TLN2: variants seen among roughly 807,000 people sequenced by gnomAD.
The protein encoded by TLN2 is talin 2, also known as talin-2.
In TLN2, 118 loss-of-function variants were observed where a neutral mutation model predicts 294.7. The ratio of observed to expected loss-of-function variants is 0.40; its 90% CI spans 0.34 to 0.47. The LOEUF (loss-of-function observed/expected upper bound fraction) is 0.47, where lower values mean the gene tolerates loss of function less well. Ranked by LOEUF, TLN2 falls within the 20% of genes least tolerant of loss-of-function variation. TLN2 has a pLI of 0.84. For missense variants in TLN2, 3,083 were observed against 3,282.2 expected (o/e 0.94, Z 1.48); for synonymous variants, 1,431 against 1,304.5 (o/e 1.10, Z -2.09).
chr15:62,759,457 C>T (rs2062524575), intron 37 of TLN2, among the ~76,000 whole-genome samples: 1 of 152,152 alleles, frequency 6.6e-6, no homozygotes, highest in Non-Finnish European at 1.5e-5. Context: ...CAAACAAACC[C>T]TGTCTTTATT....
intron 48 of TLN2, among the ~76,000 whole-genome samples, chr15:62,799,599 A>T (rs1037974425): frequency 3.9e-5 from 6 of 152,254 alleles, no homozygotes; most frequent in Non-Finnish European, 5.9e-5. Flanking sequence ...TCCCTGTTAC[A>T]AGCGTGAAAC....
chr15:62,632,717 G>C (rs1189353087), intron 3 of TLN2, among the ~76,000 whole-genome samples: 1 of 152,132 alleles, frequency 6.6e-6, no homozygotes, highest in Non-Finnish European at 1.5e-5. Flanking sequence ...CCTTCCCCTA[G>C]GCTCAGAATC....
At chr15:62,597,892 A>G (rs779506679) in intron 2 of TLN2, among the ~76,000 whole-genome samples, 2 of 152,030 alleles carry the variant, frequency 1.3e-5, no homozygotes, top group Non-Finnish European at 2.9e-5. Context: ...TGACTGTGAC[A>G]TGTCACATGA....
chr15:62,393,083 A>G (rs930159340), intron 1 of TLN2, among the ~76,000 whole-genome samples: 3 of 152,158 alleles, frequency 2.0e-5, no homozygotes, highest in Non-Finnish European at 4.4e-5. Context: ...CTAATTTAGA[A>G]GAGAAATCAG....
At chr15:62,791,192 A>AT (rs1246980304) in intron 45 of TLN2, among the ~76,000 whole-genome samples, 1 of 151,488 alleles carries the variant, frequency 6.6e-6, no homozygotes, top group African/African-American at 2.4e-5. Context: ...ACTAAAAAAA[A>AT]AAAAATACAA....
intron 21 of TLN2, among the ~76,000 whole-genome samples, chr15:62,710,679 A>G (rs899397451): frequency 1.3e-5 from 2 of 150,594 alleles, no homozygotes; most frequent in Admixed American, 6.6e-5. Flanking sequence ...TAACTAAACT[A>G]CAGACATTTT....
At chr15:62,770,750 A>G (rs1162584957) in intron 41 of TLN2, among the ~76,000 whole-genome samples, 3 of 152,116 alleles carry the variant, frequency 2.0e-5, no homozygotes, top group African/African-American at 4.8e-5. Flanking sequence ...CACCTCTGCC[A>G]TATTTAGAGA....
chr15:62,494,331 A>G (rs1349327875), intron 1 of TLN2, among the ~76,000 whole-genome samples: 1 of 151,996 alleles, frequency 6.6e-6, no homozygotes, highest in Non-Finnish European at 1.5e-5. Flanking sequence ...GCTTTAAACA[A>G]AAGCAGGAGC....
At chr15:62,611,951 G>A (rs781036861) in intron 2 of TLN2, among the ~76,000 whole-genome samples, 4 of 152,220 alleles carry the variant, frequency 2.6e-5, no homozygotes, top group Middle Eastern at 3.2e-3. Flanking sequence ...TAGCAAAGAT[G>A]TCAGTGGTGT....
chr15:62,613,466 A>G, intron 2 of TLN2, among the ~76,000 whole-genome samples: 1 of 152,184 alleles, frequency 6.6e-6, no homozygotes, highest in East Asian at 1.9e-4. Context: ...ACTCATGTAC[A>G]CTGCTGGTGA....
chr15:62,494,483 TC>T (rs2038916702), intron 1 of TLN2, among the ~76,000 whole-genome samples: 1 of 152,012 alleles, frequency 6.6e-6, no homozygotes. Flanking sequence ...TAACCTTTTT[TC>T]CCTTAAGAAG....
At chr15:62,753,741 C>T in intron 35 of TLN2, 32 bp from the exon 36 acceptor site, 1 of 1,579,900 alleles carries the variant, frequency 6.3e-7, no homozygotes, top group South Asian at 1.2e-5. Flanking sequence ...GAGCACGGAG[C>T]CTGAGCTGTG....
At chr15:62,814,112 T>G (rs2066897860) in intron 52 of TLN2, among the ~76,000 whole-genome samples, 1 of 152,140 alleles carries the variant, frequency 6.6e-6, no homozygotes, top group African/African-American at 2.4e-5. Context: ...CTGGCCAATA[T>G]GGGGTTTTAT....
At position 62,783,924 on chromosome 15, in the gene TLN2, A is replaced by G. The variant is rs774115567; in HGVS notation, c.5736+34A>G. ...CCTTAAGACCCCTATTTTAAGATGC[A>G]CACACACACTGGTGCCCACTCCTGG... On this transcript the variant is annotated intron_variant, in intron 45 of 58. Transcript: ENST00000636159. The G allele has an allele frequency of 1.1e-5, 17 of 1,610,210 alleles. 1 individual carries two copies. The East Asian group carries it at 3.1e-4, about 30-fold the overall frequency.
At chr15:62,690,031 C>T in intron 12 of TLN2, among the ~76,000 whole-genome samples, 1 of 58,570 alleles carries the variant, frequency 1.7e-5, no homozygotes, top group African/African-American at 6.4e-5. Context: ...TCCTCACTTC[C>T]CAGTAGGGGC....
At chr15:62,698,896 A>G in intron 16 of TLN2, 29 bp downstream of exon 16, 2 of 1,595,770 alleles carry the variant, frequency 1.3e-6, no homozygotes, top group Non-Finnish European at 1.7e-6. Context: ...TTTTCATGCC[A>G]AGTCTCTGCC....
At chr15:62,766,274 T>G in intron 40 of TLN2, 47 bp from the exon 41 acceptor site, 1 of 1,520,086 alleles carries the variant, frequency 6.6e-7, no homozygotes, top group Non-Finnish European at 9.1e-7. Context: ...AGTGCAGCTC[T>G]GTGGGGAGCT....
At chr15:62,710,651 G>T (rs1256347477) in intron 21 of TLN2, among the ~76,000 whole-genome samples, 1 of 150,146 alleles carries the variant, frequency 6.7e-6, no homozygotes, top group Non-Finnish European at 1.5e-5. Context: ...AATTAGCATT[G>T]GTATTTTAGT....
At chr15:62,746,415 A>G (rs1161956014) in intron 32 of TLN2, among the ~76,000 whole-genome samples, 1 of 152,190 alleles carries the variant, frequency 6.6e-6, no homozygotes, top group African/African-American at 2.4e-5. Context: ...GCTTTGCACC[A>G]TAGAGAGCGC....
Sources: gnomAD v4.1 joint callset for allele counts (sites outside exome capture counted in the v4.1 genomes callset) on GRCh38, gnomAD v4.1.1 for gene constraint, MANE v1.5 for transcripts, NCBI Gene and HGNC (gene_info 2026-07-23, HGNC 2026-07-21) for gene names.